RFX7: variants seen among roughly 807,000 people sequenced by gnomAD.
RFX7 encodes regulatory factor X7.
Under a neutral mutation model 111.8 loss-of-function variants are expected in RFX7, and 26 were observed. That is an observed-to-expected ratio of 0.23 (90% CI 0.17 to 0.32). The LOEUF (loss-of-function observed/expected upper bound fraction) is 0.32. RFX7 is among the 10% of genes least tolerant of loss of function. RFX7 has a pLI of 1.00. For missense variants in RFX7, 1,573 were observed against 1,772.9 expected, an observed-to-expected ratio of 0.89 and a Z score of 2.02; for synonymous variants, 624 against 624.4, an observed-to-expected ratio of 1.00 and a Z score of 0.01.
chr15:56,225,556 T>C (rs143837847), intron 2 of RFX7, among the ~76,000 whole-genome samples: 73 of 152,294 alleles, frequency 4.8e-4, no homozygotes, highest in Middle Eastern at 3.4e-3. Flanking sequence ...TGTAGGTAAT[T>C]CACAACATTT....
At chr15:56,162,679 A>C (rs1045195854) in intron 3 of RFX7, among the ~76,000 whole-genome samples, 1 of 152,076 alleles carries the variant, frequency 6.6e-6, no homozygotes, top group African/African-American at 2.4e-5. Context: ...TTTCTCACAT[A>C]CTAAAGGAGG....
rs538224300 is a variant in RFX7 at position 56,239,173 on chromosome 15, T to C, written c.161+3952A>G. Among the ~76,000 whole-genome samples, 6 of 152,280 alleles carry C rather than the reference T, an allele frequency of 3.9e-5. No individual in the cohort carries two copies. The South Asian group carries it at 1.2e-3, about 32-fold the overall frequency. On this transcript the variant is annotated intron_variant, in intron 2 of 9. Coordinates refer to ENST00000559447, the MANE Select transcript of RFX7 (RefSeq NM_022841.7). Reference sequence around the variant, plus strand: ...TATTTTGGATTTTGGAATACTTGCATATGTGTAATGAGCATCTTAGGGATG... The same window carrying C: ...TATTTTGGATTTTGGAATACTTGCACATGTGTAATGAGCATCTTAGGGATG...
At chr15:56,233,298 A>G (rs2043588544) in intron 2 of RFX7, among the ~76,000 whole-genome samples, 1 of 152,228 alleles carries the variant, frequency 6.6e-6, no homozygotes, top group Non-Finnish European at 1.5e-5. Flanking sequence ...AAGTGAAAGA[A>G]GTTTCCCTTT....
rs148188264 is a variant in RFX7, at chr15:56,225,874, C to T, written c.161+17251G>A. 2.0e-4 allele frequency among the ~76,000 whole-genome samples: 31 copies of T among 152,086 alleles called. No homozygotes were observed. The East Asian group carries it at 6.0e-3, about 29-fold the overall frequency. On this transcript the variant is annotated intron_variant, in intron 2 of 9. Coordinates refer to ENST00000559447, the MANE Select transcript of RFX7 (RefSeq NM_022841.7). Reference sequence around the variant, plus strand: ...ACAACCTAATTAAACTTTGAAACAACCTAATAAAAAGCTGTTAACTTCTCA... The same window carrying T: ...ACAACCTAATTAAACTTTGAAACAATCTAATAAAAAGCTGTTAACTTCTCA...
rs181799543 is a variant in RFX7, at chr15:56,140,340, C to T, written c.401+2438G>A. Among the ~76,000 whole-genome samples, 877 of 152,272 alleles carry T rather than the reference C, an allele frequency of 5.8e-3. 4 individuals carry two copies. Among genetic ancestry groups the T allele is most frequent in the Non-Finnish European group, 8.8e-3 (596 of 68,022 alleles). ...GTGGTGCGCCGCTTTTTAAGCCCGTCGGAAAAGCGCAGTATTCGGGTGGGA... is the reference window on the plus strand; with the variant it reads ...GTGGTGCGCCGCTTTTTAAGCCCGTTGGAAAAGCGCAGTATTCGGGTGGGA... On this transcript the variant is annotated intron_variant, in intron 5 of 9. Coordinates refer to ENST00000559447, the MANE Select transcript of RFX7 (RefSeq NM_022841.7).
chr15:56,243,061 C>CCCCCCCCAATT, intron 2 of RFX7, 64 bp downstream of exon 2: 3 of 1,036,972 alleles, frequency 2.9e-6, no homozygotes, highest in Non-Finnish European at 4.1e-6. Context: ...CCGCCGCCCC[C>CCCCCCCCAATT]CACCCACTTT....
At chr15:56,146,404 A>T (rs1284464555) in intron 3 of RFX7, among the ~76,000 whole-genome samples, 1 of 152,142 alleles carries the variant, frequency 6.6e-6, no homozygotes, top group Non-Finnish European at 1.5e-5. Context: ...AATATTATTA[A>T]CATCACCCAC....
intron 2 of RFX7, among the ~76,000 whole-genome samples, chr15:56,221,537 CATA>C (rs1198125376): frequency 6.6e-6 from 1 of 152,078 alleles, no homozygotes; most frequent in Non-Finnish European, 1.5e-5. Flanking sequence ...GCCTTATAAC[CATA>C]ATGTTTAACC....
chr15:56,225,227 C>G (rs2043469248), intron 2 of RFX7, among the ~76,000 whole-genome samples: 1 of 152,116 alleles, frequency 6.6e-6, no homozygotes, highest in African/African-American at 2.4e-5. Flanking sequence ...CCATTTATCT[C>G]TTTTAAGTCA....
chr15:56,165,903 C>T (rs1041850296), intron 3 of RFX7, among the ~76,000 whole-genome samples: 6 of 152,084 alleles, frequency 3.9e-5, no homozygotes, highest in African/African-American at 1.4e-4. Flanking sequence ...AGCCTTTGAT[C>T]TCTGCAGCCA....
intron 3 of RFX7, among the ~76,000 whole-genome samples, chr15:56,174,522 G>A (rs1412325263): frequency 2.0e-5 from 3 of 152,120 alleles, no homozygotes; most frequent in Non-Finnish European, 4.4e-5. Flanking sequence ...GCGAAGGTAG[G>A]CAGACCATGA....
chr15:56,150,335 G>C (rs1354488482), intron 3 of RFX7, among the ~76,000 whole-genome samples: 1 of 152,218 alleles, frequency 6.6e-6, no homozygotes, highest in Non-Finnish European at 1.5e-5. Flanking sequence ...CTCCTCAAGT[G>C]GGTCCCTGAC....
intron 5 of RFX7, 131 bp downstream of exon 5, chr15:56,142,647 T>A: frequency 1.3e-6 from 1 of 786,952 alleles, no homozygotes. Context: ...GGAATGAATC[T>A]TAAGAGATTT....
At chr15:56,203,934 A>G (rs1191431439) in intron 2 of RFX7, among the ~76,000 whole-genome samples, 1 of 151,124 alleles carries the variant, frequency 6.6e-6, no homozygotes, top group Non-Finnish European at 1.5e-5. Context: ...ACTTTACTCT[A>G]TGGTCCTGCC....
At chr15:56,111,678 A>AC (rs1307305787) in intron 5 of RFX7, among the ~76,000 whole-genome samples, 1 of 150,980 alleles carries the variant, frequency 6.6e-6, no homozygotes, top group Non-Finnish European at 1.5e-5. Context: ...AAAAAAAAAA[A>AC]AACCAAAAAA....
intron 3 of RFX7, among the ~76,000 whole-genome samples, chr15:56,146,907 G>C (rs771238334): frequency 1.2e-4 from 19 of 152,146 alleles, no homozygotes; most frequent in Admixed American, 3.3e-4. Flanking sequence ...AGTCCAGCAA[G>C]GCTGGGCTCA....
intron 2 of RFX7, among the ~76,000 whole-genome samples, chr15:56,223,217 G>A (rs1368588562): frequency 1.3e-5 from 2 of 151,920 alleles, no homozygotes; most frequent in South Asian, 2.1e-4. Flanking sequence ...CGTGGAGTTC[G>A]GCATTCAGTT....
In RFX7 at chr15:56,089,629, G is replaced by A. The variant is rs1204570017; in HGVS notation, c.*3716C>T. On this transcript the variant is annotated 3_prime_UTR_variant, in exon 10 of 10. Transcript: ENST00000559447. ...TTACCCTTCCATGTCATTGAGCACT[G>A]AGGATCCTAACATACTAATTTTATA... 2.0e-5 allele frequency: 3 copies of A among 152,026 alleles called. No homozygotes were observed. The highest frequency in any genetic ancestry group is 7.2e-5 in the African/African-American group (3 of 41,394). 9.4% of individuals were successfully genotyped at this position (152,026 alleles called of 1,614,324 possible).
chr15:56,217,153 T>C (rs1413290960), intron 2 of RFX7, among the ~76,000 whole-genome samples: 1 of 152,178 alleles, frequency 6.6e-6, no homozygotes, highest in African/African-American at 2.4e-5. Context: ...AATACATTCA[T>C]TTTGCTGCAC....
Sources: gnomAD v4.1 joint callset for allele counts (sites outside exome capture counted in the v4.1 genomes callset) on GRCh38, gnomAD v4.1.1 for gene constraint, MANE v1.5 for transcripts, NCBI Gene and HGNC (gene_info 2026-07-23, HGNC 2026-07-21) for gene names.